C1orf21: variants seen among roughly 807,000 people sequenced by gnomAD.
C1orf21 encodes the protein uncharacterized protein C1orf21.
A neutral mutation model predicts 18.7 loss-of-function variants in C1orf21; 3 were observed. The ratio of observed to expected loss-of-function variants is 0.16; its 90% confidence interval spans 0.07 to 0.42. The LOEUF (loss-of-function observed/expected upper bound fraction) is 0.42. Among genes scored for constraint, C1orf21 ranks in the 10% least tolerant of loss-of-function variants. The pLI, the probability that C1orf21 is intolerant of heterozygous loss-of-function variation, is 0.99. For synonymous variants in C1orf21, 41 were observed against 46.4 expected (o/e 0.88, Z 0.47); for missense variants, 104 against 143.6 (o/e 0.72, Z 1.41).
chr1:184,616,915 C>T (rs1659835372), intron 5 of C1orf21, among the ~76,000 whole-genome samples: 1 of 152,180 alleles, frequency 6.6e-6, no homozygotes, highest in Non-Finnish European at 1.5e-5. Context: ...GGTTTCTGGC[C>T]TGTCTGGAGT....
chr1:184,458,479 T>C (rs1657254170), intron 1 of C1orf21, among the ~76,000 whole-genome samples: 1 of 152,154 alleles, frequency 6.6e-6, no homozygotes, highest in Non-Finnish European at 1.5e-5. Flanking sequence ...GTTAATGTCT[T>C]TACTTCTAGA....
chr1:184,549,483 A>G (rs1658781847), intron 3 of C1orf21, among the ~76,000 whole-genome samples: 1 of 152,026 alleles, frequency 6.6e-6, no homozygotes, highest in East Asian at 1.9e-4. Context: ...AAAGTTACAT[A>G]CACTAACATT....
rs557871739 is a variant in C1orf21, at chr1:184,623,464, G to A, written c.*3908G>A. 1 of 152,242 alleles carries A rather than the reference G, an allele frequency of 6.6e-6. No homozygotes were observed. Among genetic ancestry groups the A allele is most frequent in the South Asian group, 2.1e-4 (1 of 4,820 alleles). The allele number at this position is 152,242 out of a possible 1,614,324, so 9.4% of individuals were successfully genotyped here. ...GCTTTATGTCTTCGTACCTCTCAGA[G>A]ATTGGACTTTTTCTTGTTTAAAACC... is the stretch of plus-strand genomic sequence containing the variant. On this transcript the variant is annotated 3_prime_UTR_variant, in exon 6 of 6. Transcript: ENST00000235307.
chr1:184,534,717 T>C (rs1658521103), intron 3 of C1orf21, among the ~76,000 whole-genome samples: 1 of 152,082 alleles, frequency 6.6e-6, no homozygotes, highest in South Asian at 2.1e-4. Context: ...CCCTTTGAGG[T>C]GCTCACGACA....
chr1:184,609,328 G>C (rs1659694368), intron 5 of C1orf21, among the ~76,000 whole-genome samples: 1 of 152,074 alleles, frequency 6.6e-6, no homozygotes, highest in Non-Finnish European at 1.5e-5. Flanking sequence ...TGTATTTCCT[G>C]GTTAAAAACT....
At chr1:184,605,702 G>T (rs371344414) in intron 5 of C1orf21, among the ~76,000 whole-genome samples, 1 of 152,156 alleles carries the variant, frequency 6.6e-6, no homozygotes, top group Non-Finnish European at 1.5e-5. Context: ...TGTGACCCCA[G>T]GTTAAGTTAA....
intron 1 of C1orf21, among the ~76,000 whole-genome samples, chr1:184,431,666 A>G (rs1413060304): frequency 1.3e-5 from 2 of 152,176 alleles, no homozygotes; most frequent in Admixed American, 1.3e-4. Context: ...AGAAACTACC[A>G]TCAGAGTGAA....
chr1:184,446,336 C>A (rs565659422), intron 1 of C1orf21, among the ~76,000 whole-genome samples: 69 of 152,238 alleles, frequency 4.5e-4, no homozygotes, highest in African/African-American at 1.5e-3. Context: ...TTCAGCCTCA[C>A]CTTTTTTACT....
At chr1:184,408,599 T>C (rs1656285648) in intron 1 of C1orf21, among the ~76,000 whole-genome samples, 1 of 152,216 alleles carries the variant, frequency 6.6e-6, no homozygotes, top group African/African-American at 2.4e-5. Context: ...AGGTTATTAT[T>C]TGGGTCATTT....
At chr1:184,394,874 A>C (rs1407948482) in intron 1 of C1orf21, among the ~76,000 whole-genome samples, 1 of 152,196 alleles carries the variant, frequency 6.6e-6, no homozygotes, top group Non-Finnish European at 1.5e-5. Flanking sequence ...TGAGTTGCTT[A>C]GTAGTTGCTG....
chr1:184,602,252 G>A (rs1659594243), intron 5 of C1orf21, among the ~76,000 whole-genome samples: 1 of 152,112 alleles, frequency 6.6e-6, no homozygotes, highest in African/African-American at 2.4e-5. Context: ...TTGGGACTTG[G>A]TACCATTTCA....
At chr1:184,453,874 G>A (rs1235515997) in intron 1 of C1orf21, among the ~76,000 whole-genome samples, 3 of 152,150 alleles carry the variant, frequency 2.0e-5, no homozygotes, top group African/African-American at 7.2e-5. Flanking sequence ...TTTCAAAAAC[G>A]AACTCTGAAA....
At chr1:184,563,744 G>T (rs1658996550) in intron 3 of C1orf21, among the ~76,000 whole-genome samples, 1 of 152,212 alleles carries the variant, frequency 6.6e-6, no homozygotes, top group African/African-American at 2.4e-5. Flanking sequence ...TTGGTTGGCT[G>T]GTTCGAGGAG....
chr1:184,567,421 G>A, intron 3 of C1orf21: 1 of 534,074 alleles, frequency 1.9e-6, no homozygotes, highest in Non-Finnish European at 3.8e-6. Flanking sequence ...TGGGCTTGAA[G>A]GTCTGCATCT....
chr1:184,526,896 C>T (rs1186340506), intron 3 of C1orf21, among the ~76,000 whole-genome samples: 1 of 152,150 alleles, frequency 6.6e-6, no homozygotes, highest in African/African-American at 2.4e-5. Context: ...ATAAGTAAAA[C>T]CCGCAGTCCC....
chr1:184,465,304 T>G (rs761407316), intron 1 of C1orf21, among the ~76,000 whole-genome samples: 2 of 152,208 alleles, frequency 1.3e-5, no homozygotes, highest in Non-Finnish European at 2.9e-5. Flanking sequence ...AATCATATTC[T>G]GACACACTGA....
chr1:184,471,386 A>G (rs939820881), intron 1 of C1orf21, among the ~76,000 whole-genome samples: 2 of 152,318 alleles, frequency 1.3e-5, no homozygotes, highest in African/African-American at 2.4e-5. Flanking sequence ...ACTTGCAAGT[A>G]TGTCCTAGTT....
chr1:184,523,066 A>G (rs1557993445), intron 3 of C1orf21, among the ~76,000 whole-genome samples: 1 of 152,230 alleles, frequency 6.6e-6, no homozygotes, highest in Non-Finnish European at 1.5e-5. Flanking sequence ...GAATAAATAC[A>G]TGCAGGCGAA....
intron 5 of C1orf21, among the ~76,000 whole-genome samples, chr1:184,617,043 G>C (rs953152394): frequency 3.9e-5 from 6 of 152,146 alleles, no homozygotes; most frequent in African/African-American, 1.4e-4. Context: ...CTGCCAGGGG[G>C]ACTGAACAAA....
Sources: gnomAD v4.1 joint callset for allele counts (sites outside exome capture counted in the v4.1 genomes callset) on GRCh38, gnomAD v4.1.1 for gene constraint, MANE v1.5 for transcripts, NCBI Gene and HGNC (gene_info 2026-07-23, HGNC 2026-07-21) for gene names.